The following PABPC4L variants were observed in gnomAD, a reference collection of about 807,000 sequenced individuals.
PABPC4L encodes the protein poly(A) binding protein cytoplasmic 4 like.
For synonymous variants in PABPC4L, 169 were observed against 164.1 expected (o/e 1.03, Z -0.23); for missense variants, 452 against 451.4 (o/e 1.00, Z -0.01).
the PABPC4L span, among the ~76,000 whole-genome samples, chr4:133,961,630 C>G: frequency 6.6e-6 from 1 of 152,104 alleles, no homozygotes; most frequent in African/African-American, 2.4e-5. Flanking sequence ...TACATGGGAG[C>G]TCTGTTTTCA....
chr4:134,127,088 G>A, the PABPC4L span, among the ~76,000 whole-genome samples: 1 of 151,818 alleles, frequency 6.6e-6, no homozygotes, highest in African/African-American at 2.4e-5. Context: ...CTATTCCCTG[G>A]GAACCACACC....
At chr4:134,148,976 C>T in the PABPC4L span, among the ~76,000 whole-genome samples, 2 of 152,002 alleles carry the variant, frequency 1.3e-5, no homozygotes, top group African/African-American at 4.8e-5. Context: ...AAAATATTCT[C>T]AATTGCATCA....
At chr4:133,992,262 C>T in the PABPC4L span, among the ~76,000 whole-genome samples, 2 of 152,150 alleles carry the variant, frequency 1.3e-5, no homozygotes. Flanking sequence ...TGGGCTTCTC[C>T]CCTGTGGTAG....
At chr4:134,154,965 T>C in the PABPC4L span, among the ~76,000 whole-genome samples, 1 of 152,052 alleles carries the variant, frequency 6.6e-6, no homozygotes, top group Non-Finnish European at 1.5e-5. Context: ...TAGATGTTTT[T>C]TCTTTATATA....
At chr4:134,178,500 C>G in the PABPC4L span, among the ~76,000 whole-genome samples, 1 of 151,832 alleles carries the variant, frequency 6.6e-6, no homozygotes, top group African/African-American at 2.4e-5. Context: ...TTTTTACCTC[C>G]AAATGATTGC....
the PABPC4L span, among the ~76,000 whole-genome samples, chr4:133,988,861 G>A: frequency 3.3e-5 from 5 of 152,088 alleles, no homozygotes; most frequent in East Asian, 1.9e-4. Flanking sequence ...TGAACATCGC[G>A]CATTTCCATA....
chr4:133,976,808 G>T, the PABPC4L span, among the ~76,000 whole-genome samples: 1 of 152,056 alleles, frequency 6.6e-6, no homozygotes, highest in African/African-American at 2.4e-5. Context: ...TAATGGGGTT[G>T]TTTGTTTATT....
chr4:134,194,135 T>C (rs1210724143), downstream of PABPC4L, among the ~76,000 whole-genome samples: 2 of 151,852 alleles, frequency 1.3e-5, no homozygotes, highest in African/African-American at 2.4e-5. Context: ...AGAAGAGTTA[T>C]GTTGCCTGCC....
the PABPC4L span, among the ~76,000 whole-genome samples, chr4:134,126,249 C>T: frequency 6.6e-6 from 1 of 152,086 alleles, no homozygotes; most frequent in South Asian, 2.1e-4. Context: ...GAGAATTCAA[C>T]TTGAACTAAC....
chr4:134,015,525 T>G, the PABPC4L span, among the ~76,000 whole-genome samples: 71 of 152,280 alleles, frequency 4.7e-4, 1 homozygote, highest in African/African-American at 1.7e-3. Flanking sequence ...TGGGCTGTAC[T>G]GCTGCAAGGC....
the PABPC4L span, among the ~76,000 whole-genome samples, chr4:134,126,095 T>G: frequency 5.5e-3 from 832 of 152,288 alleles, 6 homozygotes; most frequent in African/African-American, 0.019. Flanking sequence ...AACATTACCA[T>G]TTTATTTCCT....
chr4:134,006,995 G>A, the PABPC4L span, among the ~76,000 whole-genome samples: 77 of 151,884 alleles, frequency 5.1e-4, no homozygotes, highest in East Asian at 0.011. Context: ...GTTATAAACG[G>A]ATAAAGTTGT....
chr4:134,087,373 A>G, the PABPC4L span, among the ~76,000 whole-genome samples: 2 of 152,136 alleles, frequency 1.3e-5, no homozygotes, highest in African/African-American at 4.8e-5. Flanking sequence ...TGAGTTCTCA[A>G]AAGTATTTGA....
At chr4:133,991,327 G>T in the PABPC4L span, among the ~76,000 whole-genome samples, 1 of 152,238 alleles carries the variant, frequency 6.6e-6, no homozygotes, top group South Asian at 2.1e-4. Context: ...TATCCTGTAA[G>T]GTTCCCCAGA....
At chr4:134,091,625 TAAGA>T in the PABPC4L span, among the ~76,000 whole-genome samples, 1 of 151,836 alleles carries the variant, frequency 6.6e-6, no homozygotes, top group East Asian at 1.9e-4. Flanking sequence ...TCTTGAAAAC[TAAGA>T]TAGATAGACA....
At chr4:134,112,058 TA>T in the PABPC4L span, among the ~76,000 whole-genome samples, 1 of 151,882 alleles carries the variant, frequency 6.6e-6, no homozygotes, top group Non-Finnish European at 1.5e-5. Flanking sequence ...CTATATAAAA[TA>T]ATGACATAGT....
chr4:134,030,706 T>C, the PABPC4L span, among the ~76,000 whole-genome samples: 6 of 152,132 alleles, frequency 3.9e-5, no homozygotes, highest in African/African-American at 9.7e-5. Flanking sequence ...TCTTCCTACG[T>C]ATTCTCAGTG....
the PABPC4L span, among the ~76,000 whole-genome samples, chr4:134,127,140 GGA>G: frequency 2.0e-5 from 3 of 151,974 alleles, no homozygotes; most frequent in Non-Finnish European, 4.4e-5. Flanking sequence ...CCCCACTCAA[GGA>G]GAGTCAGCTC....
the PABPC4L span, among the ~76,000 whole-genome samples, chr4:134,166,456 A>G: frequency 6.6e-6 from 1 of 152,184 alleles, no homozygotes; most frequent in Non-Finnish European, 1.5e-5. Flanking sequence ...AAGCCTGCAG[A>G]GGTCCCAGAA....
Sources: gnomAD v4.1 joint callset for allele counts (sites outside exome capture counted in the v4.1 genomes callset) on GRCh38, gnomAD v4.1.1 for gene constraint, MANE v1.5 for transcripts, NCBI Gene and HGNC (gene_info 2026-07-23, HGNC 2026-07-21) for gene names.